CTNNA3: variants seen among roughly 807,000 people sequenced by gnomAD.
The protein encoded by CTNNA3 is catenin alpha 3.
In CTNNA3, 76 loss-of-function variants were observed where a neutral mutation model predicts 95.7. The observed-to-expected ratio is 0.79, with a 90% confidence interval of 0.66 to 0.96. The LOEUF (loss-of-function observed/expected upper bound fraction) is 0.96, where lower values mean the gene tolerates loss of function less well. Ranked by LOEUF, CTNNA3 falls within the 40% of genes least tolerant of loss-of-function variation. CTNNA3 has a pLI of 0.00. For synonymous variants in CTNNA3, 431 were observed against 374.4 expected (o/e 1.15, Z -1.74); for missense variants, 1,191 against 1,089.8 (o/e 1.09, Z -1.31).
chr10:67,367,238 C>T (rs1843250177), intron 5 of CTNNA3, among the ~76,000 whole-genome samples: 2 of 151,806 alleles, frequency 1.3e-5, no homozygotes, highest in Admixed American at 6.6e-5. Flanking sequence ...ATTCAACAAG[C>T]GAAAAACAAA....
chr10:66,962,509 A>C (rs926873862), intron 7 of CTNNA3, among the ~76,000 whole-genome samples: 18 of 151,570 alleles, frequency 1.2e-4, no homozygotes, highest in African/African-American at 3.9e-4. Flanking sequence ...TCCCGGGTTC[A>C]AGCGATTCTC....
chr10:66,893,737 G>A (rs917302776), intron 7 of CTNNA3, among the ~76,000 whole-genome samples: 2 of 152,198 alleles, frequency 1.3e-5, no homozygotes, highest in East Asian at 1.9e-4. Context: ...AATCTTTTCA[G>A]TACTGAATGA....
At chr10:65,920,673 T>C (rs1589129891) in intron 17 of CTNNA3, 56 bp from the exon 18 acceptor site, 2 of 1,562,912 alleles carry the variant, frequency 1.3e-6, no homozygotes, top group Non-Finnish European at 1.7e-6. Context: ...TGTTAATTAT[T>C]GCCAAGCGTG....
chr10:66,387,698 A>G (rs56119285), intron 11 of CTNNA3, among the ~76,000 whole-genome samples: 11,616 of 152,250 alleles, frequency 0.076, 566 homozygotes, highest in East Asian at 0.22. Context: ...ACCAACCTCA[A>G]TGTCCAGCAA....
At position 67,706,481 on chromosome 10, in the gene CTNNA3, GA is replaced by G. The variant is rs529841893; in HGVS notation, c.-2+56952del. Among the ~76,000 whole-genome samples the G allele has an allele frequency of 3.8e-3, 573 of 152,258 alleles. 2 individuals are homozygous for G. Among genetic ancestry groups the G allele is most frequent in the African/African-American group, 0.011 (460 of 41,560 alleles). ...TATTAGAGGAAAAGTTAGTGGACTTGAAAAGTTAGGGGAACAAGGCCAACTA... is the reference window on the plus strand; with the variant it reads ...TATTAGAGGAAAAGTTAGTGGACTTGAAAGTTAGGGGAACAAGGCCAACTA... On this transcript the variant is annotated intron_variant, in intron 1 of 17. Transcript: ENST00000684154.
intron 7 of CTNNA3, among the ~76,000 whole-genome samples, chr10:67,146,577 G>A (rs1192174448): frequency 1.3e-5 from 2 of 152,186 alleles, no homozygotes; most frequent in Admixed American, 6.5e-5. Flanking sequence ...AATCATTTGG[G>A]ACTCTCAATT....
intron 11 of CTNNA3, among the ~76,000 whole-genome samples, chr10:66,437,323 A>T (rs1254188607): frequency 2.6e-5 from 4 of 152,148 alleles, no homozygotes; most frequent in Non-Finnish European, 5.9e-5. Context: ...TTTCAGGTAC[A>T]CCAATCAAAA....
chr10:67,404,638 G>A (rs749817943), intron 5 of CTNNA3, among the ~76,000 whole-genome samples: 10 of 151,960 alleles, frequency 6.6e-5, no homozygotes, highest in Non-Finnish European at 1.0e-4. Context: ...CATAATTCAG[G>A]ATATCATCCA....
intron 15 of CTNNA3, among the ~76,000 whole-genome samples, chr10:66,000,056 T>C (rs1450682136): frequency 1.3e-5 from 2 of 152,092 alleles, no homozygotes; most frequent in Admixed American, 1.3e-4. Context: ...AATAAATATA[T>C]ACATTTTGTC....
intron 2 of CTNNA3, among the ~76,000 whole-genome samples, chr10:67,631,584 C>A (rs941113797): frequency 6.6e-6 from 1 of 152,180 alleles, no homozygotes; most frequent in Non-Finnish European, 1.5e-5. Flanking sequence ...GAATTAATAA[C>A]TTTAGCTGGT....
intron 10 of CTNNA3, among the ~76,000 whole-genome samples, chr10:66,588,762 A>G (rs1022808678): frequency 6.6e-6 from 1 of 152,110 alleles, no homozygotes; most frequent in Non-Finnish European, 1.5e-5. Flanking sequence ...TTGAGCATCA[A>G]TATTAGGTGC....
At chr10:66,978,317 G>A (rs181895336) in intron 7 of CTNNA3, among the ~76,000 whole-genome samples, 161 of 151,736 alleles carry the variant, frequency 1.1e-3, no homozygotes, top group Non-Finnish European at 1.9e-3. Flanking sequence ...CTTGAGGTCA[G>A]GAGTTCGAGA....
intron 1 of CTNNA3, among the ~76,000 whole-genome samples, chr10:67,711,476 TTA>T (rs1841107878): frequency 6.6e-6 from 1 of 152,198 alleles, no homozygotes; most frequent in African/African-American, 2.4e-5. Context: ...TTGTTATGTT[TTA>T]GCAAAGAAAC....
At chr10:66,396,268 T>G (rs2132544958) in intron 11 of CTNNA3, among the ~76,000 whole-genome samples, 1 of 152,166 alleles carries the variant, frequency 6.6e-6, no homozygotes, top group South Asian at 2.1e-4. Flanking sequence ...CTTATTGAAC[T>G]GAATAAACTA....
intron 7 of CTNNA3, among the ~76,000 whole-genome samples, chr10:66,929,123 G>A (rs186792947): frequency 1.8e-4 from 27 of 152,270 alleles, no homozygotes; most frequent in Admixed American, 4.6e-4. Flanking sequence ...CAAAATGTGA[G>A]GAGATGACAA....
intron 7 of CTNNA3, among the ~76,000 whole-genome samples, chr10:66,782,211 T>TAAGG (rs764424594): frequency 1.3e-5 from 2 of 152,092 alleles, no homozygotes; most frequent in African/African-American, 2.4e-5. Flanking sequence ...AAAGTTGTTA[T>TAAGG]AAGGAATAAA....
At chr10:66,280,413 G>A in intron 13 of CTNNA3, 57 bp downstream of exon 13, 2 of 1,443,634 alleles carry the variant, frequency 1.4e-6, no homozygotes, top group Non-Finnish European at 9.6e-7. Flanking sequence ...GTCATCCCAG[G>A]CATTCCAGAT....
chr10:67,247,800 A>C lies in CTNNA3; in HGVS notation c.580-27930T>G, dbSNP rs922411455. ...TGTATCAAAATACCACCTGAACCCC[A>C]AAAATATGTACAACTATTATACAAA... On this transcript the variant is annotated intron_variant, in intron 5 of 17. Transcript: ENST00000433211. Among the ~76,000 whole-genome samples, 8 of 152,296 alleles carry C rather than the reference A, an allele frequency of 5.3e-5. No homozygotes were observed. The East Asian group carries it at 1.4e-3, about 26-fold the overall frequency.
At chr10:66,413,717 T>C (rs2093125441) in intron 11 of CTNNA3, among the ~76,000 whole-genome samples, 1 of 152,218 alleles carries the variant, frequency 6.6e-6, no homozygotes, top group Admixed American at 6.5e-5. Flanking sequence ...AACAGCCATG[T>C]AAATCCATTA....
Sources: gnomAD v4.1 joint callset for allele counts (sites outside exome capture counted in the v4.1 genomes callset) on GRCh38, gnomAD v4.1.1 for gene constraint, MANE v1.5 for transcripts, NCBI Gene and HGNC (gene_info 2026-07-23, HGNC 2026-07-21) for gene names.